PTPRD: variants seen among roughly 807,000 people sequenced by gnomAD.
PTPRD encodes the protein protein tyrosine phosphatase receptor type D.
A neutral mutation model predicts 214.5 loss-of-function variants in PTPRD; 34 were observed. The ratio of observed to expected loss-of-function variants is 0.16; its 90% CI spans 0.12 to 0.21. The LOEUF is 0.21. Ranked by LOEUF, PTPRD falls within the 10% of genes least tolerant of loss-of-function variation. The pLI, the probability that PTPRD is intolerant of heterozygous loss-of-function variation, is 1.00. For missense variants in PTPRD, 2,545 were observed against 2,398.7 expected (o/e 1.06, Z -1.27); for synonymous variants, 1,128 against 845.7 (o/e 1.33, Z -5.79).
chr9:8,625,689 G>A (rs886929205), intron 14 of PTPRD, among the ~76,000 whole-genome samples: 6 of 151,242 alleles, frequency 4.0e-5, no homozygotes, highest in Non-Finnish European at 8.9e-5. Flanking sequence ...TGTGTTAAAG[G>A]GTGAAAATAA....
At chr9:9,911,137 T>C (rs1403685397) in intron 5 of PTPRD, among the ~76,000 whole-genome samples, 1 of 152,036 alleles carries the variant, frequency 6.6e-6, no homozygotes, top group Non-Finnish European at 1.5e-5. Flanking sequence ...ATCAGCCCCA[T>C]CCTCTCCTTT....
At chr9:10,017,659 A>G (rs992497395) in intron 4 of PTPRD, among the ~76,000 whole-genome samples, 1 of 152,170 alleles carries the variant, frequency 6.6e-6, no homozygotes, top group South Asian at 2.1e-4. Flanking sequence ...ATCTTAGTAC[A>G]TATATTAAAT....
At chr9:8,778,485 C>T (rs7862833) in intron 11 of PTPRD, among the ~76,000 whole-genome samples, 36 of 152,136 alleles carry the variant, frequency 2.4e-4, no homozygotes, top group African/African-American at 8.4e-4. Flanking sequence ...TTACTAGCTG[C>T]GAATCTGCCC....
chr9:9,025,578 A>G (rs1413762095), intron 10 of PTPRD, among the ~76,000 whole-genome samples: 1 of 152,056 alleles, frequency 6.6e-6, no homozygotes, highest in Non-Finnish European at 1.5e-5. Flanking sequence ...CACACCAACA[A>G]TGAAGAGAAC....
chr9:9,207,366 T>A (rs1164994412), intron 9 of PTPRD, among the ~76,000 whole-genome samples: 2 of 152,168 alleles, frequency 1.3e-5, no homozygotes, highest in African/African-American at 4.8e-5. Context: ...CTTTGAGAGA[T>A]GTCAGTAAAT....
intron 2 of PTPRD, among the ~76,000 whole-genome samples, chr9:10,544,729 C>A (rs1031467868): frequency 1.3e-5 from 2 of 152,136 alleles, no homozygotes; most frequent in Admixed American, 1.3e-4. Context: ...AGGTTTTCTT[C>A]CTACTGAACA....
chr9:9,453,281 T>A (rs911282139), intron 8 of PTPRD, among the ~76,000 whole-genome samples: 1 of 151,638 alleles, frequency 6.6e-6, no homozygotes, highest in Non-Finnish European at 1.5e-5. Flanking sequence ...AATCATTCCA[T>A]GCGGTTGCAT....
chr9:8,496,225 C>T (rs2097267871), intron 26 of PTPRD, among the ~76,000 whole-genome samples: 1 of 150,822 alleles, frequency 6.6e-6, no homozygotes, highest in Non-Finnish European at 1.5e-5. Flanking sequence ...CACACACACA[C>T]ACACACTTTT....
intron 33 of PTPRD, chr9:8,454,669 T>G (rs1320026566): frequency 1.3e-6 from 2 of 1,513,528 alleles, no homozygotes; most frequent in Non-Finnish European, 1.8e-6. Flanking sequence ...AGGATAACCA[T>G]GACAACCAAG....
At chr9:10,408,129 C>G (rs895453870) in intron 2 of PTPRD, among the ~76,000 whole-genome samples, 2 of 151,490 alleles carry the variant, frequency 1.3e-5, no homozygotes, top group African/African-American at 4.8e-5. Flanking sequence ...TGTGTTTCTT[C>G]TACCTTTCTT....
intron 5 of PTPRD, among the ~76,000 whole-genome samples, chr9:9,803,204 A>G (rs1301119848): frequency 6.6e-6 from 1 of 151,660 alleles, no homozygotes; most frequent in Non-Finnish European, 1.5e-5. Context: ...TCTGGGGAAA[A>G]TACTAATGTT....
intron 36 of PTPRD, among the ~76,000 whole-genome samples, chr9:8,399,695 A>T (rs1442856595): frequency 6.6e-6 from 1 of 152,146 alleles, no homozygotes; most frequent in Non-Finnish European, 1.5e-5. Flanking sequence ...CAAAATGTGT[A>T]TTTGAAAATT....
In PTPRD at chr9:9,758,051, G is replaced by C. The variant is rs189015424; in HGVS notation, c.-326+8759C>G. ...GAGCCTCTCGTGTTGCTGGGGAAAA[G>C]TCCCCAAATAATACTGATTGGGTGT... is the stretch of plus-strand genomic sequence containing the variant. On this transcript the variant is annotated intron_variant, in intron 6 of 45. Coordinates refer to ENST00000381196, the MANE Select transcript of PTPRD (RefSeq NM_002839.4). Among the ~76,000 whole-genome samples, 606 of 150,570 alleles carry C rather than the reference G, an allele frequency of 4.0e-3. 4 individuals carry two copies. Among genetic ancestry groups the C allele is most frequent in the African/African-American group, 0.014 (578 of 40,824 alleles).
At chr9:8,468,893 C>T (rs979351081) in intron 31 of PTPRD, among the ~76,000 whole-genome samples, 2 of 151,352 alleles carry the variant, frequency 1.3e-5, no homozygotes, top group African/African-American at 4.9e-5. Context: ...TTCCCCTCCA[C>T]AATGGTTACA....
At chr9:8,894,140 G>T (rs754136389) in intron 11 of PTPRD, among the ~76,000 whole-genome samples, 24 of 152,118 alleles carry the variant, frequency 1.6e-4, no homozygotes, top group South Asian at 2.1e-4. Context: ...GATCACCTGA[G>T]GTCAGGAGTT....
At chr9:8,322,916 A>C (rs752437249) in intron 44 of PTPRD, among the ~76,000 whole-genome samples, 8 of 152,146 alleles carry the variant, frequency 5.3e-5, no homozygotes, top group Non-Finnish European at 8.8e-5. Context: ...CTCATTTACC[A>C]TTTGAAAATC....
chr9:8,506,084 A>C (rs189640000), intron 22 of PTPRD, among the ~76,000 whole-genome samples: 1 of 152,360 alleles, frequency 6.6e-6, no homozygotes, highest in Admixed American at 6.5e-5. Context: ...GATTCTGCTC[A>C]ATTCAAACAG....
chr9:8,507,492 C>A, intron 21 of PTPRD, 58 bp from the exon 22 acceptor site: 1 of 1,605,258 alleles, frequency 6.2e-7, no homozygotes, highest in South Asian at 1.1e-5. Context: ...TCACAAAGTT[C>A]TTCCATTAGC....
intron 10 of PTPRD, among the ~76,000 whole-genome samples, chr9:9,169,044 A>G (rs1448573298): frequency 6.6e-6 from 1 of 151,988 alleles, no homozygotes; most frequent in Non-Finnish European, 1.5e-5. Flanking sequence ...GGGTGCTACA[A>G]AACGTATATA....
Sources: allele counts gnomAD v4.1 joint callset (sites outside exome capture counted in the v4.1 genomes callset), GRCh38; gene constraint gnomAD v4.1.1; transcripts MANE v1.5; gene names NCBI Gene and HGNC (gene_info 2026-07-23, HGNC 2026-07-21).